Variants in DIP2C observed in about 807,000 individuals in gnomAD.
The protein encoded by DIP2C is disco-interacting protein 2 homolog C.
A neutral mutation model predicts 192.4 loss-of-function variants in DIP2C; 33 were observed. That is an observed-to-expected ratio of 0.17 (90% confidence interval 0.13 to 0.23). The LOEUF is 0.23. Among genes scored for constraint, DIP2C ranks in the 10% least tolerant of loss-of-function variants. DIP2C has a pLI of 1.00. For synonymous variants in DIP2C, 979 were observed against 864.1 expected (o/e 1.13, Z -2.33); for missense variants, 1,537 against 2,110.1 (o/e 0.73, Z 5.32).
At chr10:498,876 T>C (rs906758654) in intron 1 of DIP2C, among the ~76,000 whole-genome samples, 11 of 152,148 alleles carry the variant, frequency 7.2e-5, no homozygotes, top group Non-Finnish European at 1.3e-4. Flanking sequence ...TAATTATAGA[T>C]AAAACAAGCT....
chr10:650,371 C>A (rs187635206), intron 1 of DIP2C: 1 of 717,092 alleles, frequency 1.4e-6, no homozygotes, highest in Non-Finnish European at 2.6e-6. Context: ...CTGTGGATAA[C>A]GCCAGCCCAC....
Position 387,728 on chromosome 10 carries a change from G to A in DIP2C, c.1662+17C>T, listed in dbSNP as rs373111870. 112 of 1,612,992 alleles carry A rather than the reference G, an allele frequency of 6.9e-5. 1 individual carries two copies. In the Middle Eastern group the frequency reaches 8.3e-4, roughly 12 times the overall value. On this transcript the variant is annotated intron_variant, in intron 14 of 36. Transcript: ENST00000280886. ...GACTCCTTTGTGGACAGACACGGCC[G>A]GGGGGACCTCACTTACTGTCAGGAT... is the stretch of plus-strand genomic sequence containing the variant.
intron 1 of DIP2C, among the ~76,000 whole-genome samples, chr10:511,953 G>A (rs1000456472): frequency 1.9e-4 from 29 of 152,128 alleles, no homozygotes; most frequent in Admixed American, 2.0e-4. Flanking sequence ...GGCCGACTGC[G>A]GGAGAAGAGC....
intron 10 of DIP2C, among the ~76,000 whole-genome samples, chr10:391,248 C>T (rs1007376680): frequency 6.6e-6 from 1 of 152,222 alleles, no homozygotes; most frequent in East Asian, 1.9e-4. Context: ...TGAAAAAACA[C>T]TTCTACTAAC....
chr10:627,755 G>C (rs1346155703), intron 1 of DIP2C, among the ~76,000 whole-genome samples: 3 of 152,270 alleles, frequency 2.0e-5, no homozygotes, highest in Non-Finnish European at 2.9e-5. Context: ...CTCTGCTCCT[G>C]CCAGACGTCA....
intron 4 of DIP2C, among the ~76,000 whole-genome samples, chr10:426,732 A>C (rs1048733995): frequency 2.0e-5 from 3 of 152,222 alleles, no homozygotes; most frequent in African/African-American, 7.2e-5. Context: ...CAAACGTCTC[A>C]AGACAATTCA....
At chr10:685,610 T>A (rs1831302932) in intron 1 of DIP2C, among the ~76,000 whole-genome samples, 2 of 152,178 alleles carry the variant, frequency 1.3e-5, no homozygotes, top group East Asian at 3.8e-4. Context: ...CAGAGAAACT[T>A]ACTTCCTAAT....
At chr10:376,296 C>T (rs1296957149) in intron 17 of DIP2C, among the ~76,000 whole-genome samples, 1 of 141,372 alleles carries the variant, frequency 7.1e-6, no homozygotes, top group Non-Finnish European at 1.5e-5. Flanking sequence ...CACCTCGGCC[C>T]CCGACGGAGC....
At chr10:583,525 G>A (rs1051625750) in intron 1 of DIP2C, among the ~76,000 whole-genome samples, 36 of 152,200 alleles carry the variant, frequency 2.4e-4, no homozygotes, top group African/African-American at 7.2e-4. Context: ...AAGCAGTCAG[G>A]AGAGGGGCGG....
At chr10:409,064 G>A in intron 8 of DIP2C, 47 bp from the exon 9 acceptor site, 1 of 1,588,204 alleles carries the variant, frequency 6.3e-7, no homozygotes, top group Non-Finnish European at 8.6e-7. Flanking sequence ...ACCATACGGA[G>A]AGCACAGCTT....
chr10:646,470 C>T lies in DIP2C; in HGVS notation c.85+43024G>A, dbSNP rs75053567. ...GCAGCAAGAGGGGACGGGTGGCGACCGCACCAGCCAGGTAGCACCTGCTCC... is the reference window on the plus strand; with the variant it reads ...GCAGCAAGAGGGGACGGGTGGCGACTGCACCAGCCAGGTAGCACCTGCTCC... On this transcript the variant is annotated intron_variant, in intron 1 of 36. Transcript: ENST00000280886. Among the ~76,000 whole-genome samples, 1,436 of 152,312 alleles carry T rather than the reference C, an allele frequency of 9.4e-3. 29 individuals are homozygous for T. Among genetic ancestry groups the T allele is most frequent in the African/African-American group, 0.033 (1,351 of 41,562 alleles).
rs185655831 is a variant in DIP2C, at chr10:364,365, G to A, written c.2477+9C>T. 46 of 1,601,006 alleles carry A rather than the reference G, an allele frequency of 2.9e-5. No homozygotes were observed. The East Asian group carries it at 3.4e-4, about 12-fold the overall frequency. On this transcript the variant is annotated intron_variant, in intron 20 of 36. Coordinates refer to ENST00000280886, the MANE Select transcript of DIP2C (RefSeq NM_014974.3). The stretch of plus-strand genomic sequence containing the variant: ...AAACCATATGCTTGATTTGCAGAAC[G>A]CCACTGACCTTCCCCGGTAGACAAA...
At chr10:352,767 C>T (rs1958884987) in intron 24 of DIP2C, among the ~76,000 whole-genome samples, 1 of 152,164 alleles carries the variant, frequency 6.6e-6, no homozygotes, top group East Asian at 1.9e-4. Flanking sequence ...AGCAGTGTCC[C>T]TTCTTCCTTG....
At chr10:480,006 C>T (rs774695572) in intron 2 of DIP2C, among the ~76,000 whole-genome samples, 22 of 146,724 alleles carry the variant, frequency 1.5e-4, no homozygotes, top group Non-Finnish European at 2.8e-4. Flanking sequence ...GAGCTCCAGT[C>T]GACGCTCACT....
intron 1 of DIP2C, among the ~76,000 whole-genome samples, chr10:578,814 C>A (rs1187540251): frequency 6.6e-6 from 1 of 151,222 alleles, no homozygotes; most frequent in African/African-American, 2.5e-5. Flanking sequence ...TGTGTGCATG[C>A]ATAGAGAGCA....
intron 3 of DIP2C, among the ~76,000 whole-genome samples, chr10:451,158 C>T (rs1048168557): frequency 6.6e-6 from 1 of 152,194 alleles, no homozygotes; most frequent in Non-Finnish European, 1.5e-5. Context: ...ACATCCGGAA[C>T]AGGCGTACGT....
intron 1 of DIP2C, among the ~76,000 whole-genome samples, chr10:533,303 C>T (rs1227947546): frequency 6.6e-6 from 1 of 152,128 alleles, no homozygotes; most frequent in Non-Finnish European, 1.5e-5. Context: ...ATCTGCTTTC[C>T]AGAACATCTA....
chr10:509,777 C>T (rs536688612), intron 1 of DIP2C, among the ~76,000 whole-genome samples: 225 of 152,116 alleles, frequency 1.5e-3, no homozygotes, highest in African/African-American at 5.1e-3. Flanking sequence ...GAGGACGGGG[C>T]GCCGCAGTCT....
intron 1 of DIP2C, among the ~76,000 whole-genome samples, chr10:508,342 C>T (rs576421169): frequency 7.9e-5 from 12 of 152,340 alleles, no homozygotes; most frequent in Admixed American, 2.6e-4. Flanking sequence ...AGTGCCCAGG[C>T]CCTCAGCCCC....
Sources: gnomAD v4.1 joint callset for allele counts (sites outside exome capture counted in the v4.1 genomes callset) on GRCh38, gnomAD v4.1.1 for gene constraint, MANE v1.5 for transcripts, NCBI Gene and HGNC (gene_info 2026-07-23, HGNC 2026-07-21) for gene names.